Variants in TSHR observed in about 807,000 individuals in gnomAD.
TSHR encodes the protein thyrotropin receptor.
TSHR carries 51 observed loss-of-function variants against 64.1 expected under a neutral mutation model. The observed-to-expected ratio is 0.80, with a 90% confidence interval of 0.64 to 1.01. TSHR has a LOEUF of 1.01. Ranked by LOEUF, TSHR falls within the 50% of genes least tolerant of loss-of-function variation. The pLI is 0.00. For missense variants in TSHR, 877 were observed against 942.8 expected (o/e 0.93, Z 0.91); for synonymous variants, 361 against 361.9 (o/e 1.00, Z 0.03).
intron 1 of TSHR, among the ~76,000 whole-genome samples, chr14:80,976,138 C>T (rs1242155751): frequency 2.0e-5 from 3 of 152,166 alleles, no homozygotes. Flanking sequence ...GTCTCCATCT[C>T]CTGACCTCGT....
chr14:80,998,510 T>A (rs2284729), intron 1 of TSHR, among the ~76,000 whole-genome samples: 1 of 151,658 alleles, frequency 6.6e-6, no homozygotes, highest in African/African-American at 2.4e-5. Context: ...ATCTTGAAAT[T>A]ATTACTTATA....
In TSHR at chr14:81,062,151, G is replaced by A. The variant is rs562655405; in HGVS notation, c.174G>A (p.Lys58=). 6.2e-6 allele frequency: 10 copies of A among 1,610,708 alleles called. No homozygotes were observed. The South Asian group carries it at 7.7e-5, about 12-fold the overall frequency. The change falls in exon 2 of 10, where the codon AAG becomes AAA. Residue 58 remains lysine, a synonymous_variant. Coordinates refer to ENST00000298171, the MANE Select transcript of TSHR (RefSeq NM_000369.5). ...PSLPPSTQTL[K]LIETHLRTIP... ...TATGTAACTGTTATTTTCACAGGAA[G>A]CTTATTGAGACTCACCTGAGAACTA...
intron 1 of TSHR, among the ~76,000 whole-genome samples, chr14:81,038,744 A>T (rs1359207295): frequency 1.4e-5 from 2 of 147,758 alleles, no homozygotes; most frequent in Non-Finnish European, 3.0e-5. Flanking sequence ...AAAAATAAAT[A>T]TATATATATT....
intron 1 of TSHR, among the ~76,000 whole-genome samples, chr14:80,956,220 A>G (rs1886671861): frequency 6.6e-6 from 1 of 152,204 alleles, no homozygotes; most frequent in Non-Finnish European, 1.5e-5. Flanking sequence ...TTTTGATCTT[A>G]CCTTGGGTAA....
rs373712078 is a variant in TSHR, at chr14:81,139,806, C to G, written c.820C>G (p.Arg274Gly). The G allele has an allele frequency of 1.9e-6, 3 of 1,614,204 alleles. No individual in the cohort carries two copies. The highest frequency in any genetic ancestry group is 2.5e-6 in the Non-Finnish European group (3 of 1,180,046). ...TTCCTTGAGTTTCCTTCACCTCACA[C>G]GGGCTGACCTTTCTTACCCAAGCCA... Reference protein sequence around the residue: ...PLSLSFLHLTRADLSYPSHCC... With the variant: ...PLSLSFLHLTGADLSYPSHCC... Residue 274 changes from arginine to glycine, a missense_variant, in exon 9 of 10, where the codon CGG (arginine) becomes GGG (glycine). By Grantham distance (125) the Arg-to-Gly change is moderately radical. Transcript: ENST00000298171.
Position 81,142,994 on chromosome 14 carries a change from A to G in TSHR, c.936A>G (p.Arg312=). The G allele has an allele frequency of 6.2e-7, 1 of 1,614,136 alleles. No individual in the cohort carries two copies. Among genetic ancestry groups the G allele is most frequent in the South Asian group, 1.1e-5 (1 of 91,082 alleles). Reference sequence around the variant, plus strand: ...GCAGTATGCAGAGCTTGCGCCAGAGAAAATCTGTGAATGCCTTGAATAGCC... The same window carrying G: ...GCAGTATGCAGAGCTTGCGCCAGAGGAAATCTGTGAATGCCTTGAATAGCC... The part of the protein sequence containing the change: ...NESSMQSLRQ[R]KSVNALNSPL... Residue 312 remains arginine, a synonymous_variant, in exon 10 of 10, where the codon AGA becomes AGG. Transcript: ENST00000298171.
In TSHR at chr14:81,108,931, T is replaced by C. The variant is rs77911170; in HGVS notation, c.692+479T>C. 6.2e-4 allele frequency: 864 copies of C among 1,383,322 alleles called. 4 individuals carry two copies. In the African/African-American group the frequency reaches 0.011, roughly 18 times the overall value. 85.7% of individuals were successfully genotyped at this position (1,383,322 alleles called of 1,614,324 possible). On this transcript the variant is annotated intron_variant, in intron 8 of 9. Transcript: ENST00000298171. The stretch of plus-strand genomic sequence containing the variant: ...GGGAAAGATGGAATAAAAACATTTT[T>C]TAAACAGCATGAAAACATACCTATT...
At chr14:81,109,084 T>A in intron 8 of TSHR, 1 of 867,514 alleles carries the variant, frequency 1.2e-6, no homozygotes, top group Non-Finnish European at 1.5e-6. Context: ...GTTTAGAATC[T>A]CATCATTGAG....
intron 5 of TSHR, among the ~76,000 whole-genome samples, chr14:81,091,446 G>C (rs1239989562): frequency 1.3e-5 from 2 of 152,146 alleles, no homozygotes; most frequent in Non-Finnish European, 2.9e-5. Context: ...TCTTTTGAGA[G>C]GTTTTACTAT....
chr14:81,098,803 A>G (rs1245546940), intron 7 of TSHR, among the ~76,000 whole-genome samples: 1 of 152,140 alleles, frequency 6.6e-6, no homozygotes, highest in Non-Finnish European at 1.5e-5. Flanking sequence ...CTGAACTAGA[A>G]CTGCCTTTCC....
Position 81,103,899 on chromosome 14 carries a change from T to C in TSHR, c.615-4476T>C. On this transcript the variant is annotated intron_variant, in intron 7 of 9. Coordinates refer to ENST00000298171, the MANE Select transcript of TSHR (RefSeq NM_000369.5). The surrounding 1 kb of genome is among the most constrained non-coding windows in gnomAD (Gnocchi z 4.1). ...ATTTAGGCAGGAATAAAAATACCAT[T>C]TTGATATGCTAAGAGCCCACCAATA... The C allele has an allele frequency of 3.0e-6, 3 of 985,448 alleles. No individual in the cohort carries two copies. Among genetic ancestry groups the C allele is most frequent in the Non-Finnish European group, 3.6e-6 (3 of 829,932 alleles). The allele number at this position is 985,448 out of a possible 1,614,324, so 61.0% of individuals were successfully genotyped here.
intron 8 of TSHR, among the ~76,000 whole-genome samples, chr14:81,121,167 C>A (rs1890774736): frequency 6.7e-6 from 1 of 150,140 alleles, no homozygotes; most frequent in African/African-American, 2.5e-5. Flanking sequence ...CCACGGAGAA[C>A]CCATATGGCA....
chr14:81,062,065 A>T, intron 1 of TSHR, 83 bp from the exon 2 acceptor site: 1 of 1,217,574 alleles, frequency 8.2e-7, no homozygotes, highest in Non-Finnish European at 1.2e-6. Context: ...CATGCTTTTT[A>T]ATTATGTGTT....
intron 9 of TSHR, among the ~76,000 whole-genome samples, chr14:81,141,264 G>C (rs1016340922): frequency 1.3e-5 from 2 of 152,248 alleles, no homozygotes; most frequent in African/African-American, 4.8e-5. Flanking sequence ...AGAAGGACTG[G>C]ACAAGGGCTG....
intron 8 of TSHR, among the ~76,000 whole-genome samples, chr14:81,123,242 A>G (rs1890881553): frequency 6.6e-6 from 1 of 152,252 alleles, no homozygotes; most frequent in African/African-American, 2.4e-5. Flanking sequence ...AGAAATGAAC[A>G]AAGAAGAGTC....
At chr14:81,004,584 A>T (rs1374557406) in intron 1 of TSHR, among the ~76,000 whole-genome samples, 1 of 152,152 alleles carries the variant, frequency 6.6e-6, no homozygotes, top group Non-Finnish European at 1.5e-5. Context: ...TGTATACAAA[A>T]ATCTATTTAT....
chr14:81,096,958 G>A (rs1247992286), intron 7 of TSHR, among the ~76,000 whole-genome samples: 6 of 137,172 alleles, frequency 4.4e-5, no homozygotes, highest in African/African-American at 1.0e-4. Flanking sequence ...GTGTGTAAAT[G>A]TTCATCTATT....
intron 1 of TSHR, among the ~76,000 whole-genome samples, chr14:81,025,911 A>C (rs1435954193): frequency 2.0e-5 from 3 of 152,228 alleles, no homozygotes; most frequent in African/African-American, 7.2e-5. Context: ...AACTGAAAGA[A>C]GATGGTTACT....
At chr14:81,075,333 A>G (rs142710210) in intron 3 of TSHR, among the ~76,000 whole-genome samples, 17 of 152,322 alleles carry the variant, frequency 1.1e-4, no homozygotes, top group African/African-American at 3.6e-4. Flanking sequence ...TTAATGAATT[A>G]TTCTTTGCTC....
Sources: allele counts gnomAD v4.1 joint callset (sites outside exome capture counted in the v4.1 genomes callset), GRCh38; gene constraint gnomAD v4.1.1; non-coding constraint Gnocchi (gnomAD v3.1); transcripts MANE v1.5; gene names NCBI Gene and HGNC (gene_info 2026-07-23, HGNC 2026-07-21).